CRB1: variants seen among roughly 807,000 people sequenced by gnomAD.
CRB1 encodes the protein protein crumbs homolog 1.
A neutral mutation model predicts 120.0 loss-of-function variants in CRB1; 83 were observed. The ratio of observed to expected loss-of-function variants is 0.69; its 90% CI spans 0.58 to 0.83. The LOEUF (loss-of-function observed/expected upper bound fraction) is 0.83. CRB1 is among the 40% of genes least tolerant of loss of function. The pLI is 0.00. For missense variants in CRB1, 1,699 were observed against 1,687.6 expected (o/e 1.01, Z -0.12); for synonymous variants, 625 against 612.5 (o/e 1.02, Z -0.30).
chr1:197,223,300 G>A, the CRB1 span: 2 of 728,198 alleles, frequency 2.7e-6, no homozygotes, highest in South Asian at 1.6e-5. Flanking sequence ...GAAATTGGCT[G>A]TTTTGTTAAA....
intron 1 of CRB1, among the ~76,000 whole-genome samples, chr1:197,309,094 A>G (rs1462048225): frequency 6.6e-6 from 1 of 151,884 alleles, no homozygotes; most frequent in Non-Finnish European, 1.5e-5. Context: ...ACATATACAC[A>G]CACACAATGA....
intron 1 of CRB1, among the ~76,000 whole-genome samples, chr1:197,291,627 A>G (rs995734279): frequency 2.0e-5 from 3 of 151,774 alleles, no homozygotes; most frequent in Admixed American, 1.3e-4. Flanking sequence ...TTTTATATTT[A>G]TTTCAAGATG....
chr1:197,352,803 TG>T (rs1168788201), intron 4 of CRB1, among the ~76,000 whole-genome samples: 1 of 152,134 alleles, frequency 6.6e-6, no homozygotes, highest in African/African-American at 2.4e-5. Context: ...GAATTTATGT[TG>T]TGGTTATGAT....
chr1:197,277,970 A>G (rs1655309492), intron 1 of CRB1, among the ~76,000 whole-genome samples: 1 of 151,984 alleles, frequency 6.6e-6, no homozygotes, highest in Non-Finnish European at 1.5e-5. Context: ...ATATTGCAAC[A>G]AAAAACAAAC....
Position 197,453,469 on chromosome 1 carries a change from A to C in CRB1, c.4005+11177A>C, listed in dbSNP as rs940271703. ...ATTATAAATATATTGGTATATAAATATATACATTAAATAACTGTGTGTGTA... is the reference window on the plus strand; with the variant it reads ...ATTATAAATATATTGGTATATAAATCTATACATTAAATAACTGTGTGTGTA... On this transcript the variant is annotated intron_variant, in intron 11 of 11. Coordinates refer to ENST00000367400, the MANE Select transcript of CRB1 (RefSeq NM_201253.3). Among the ~76,000 whole-genome samples the C allele has an allele frequency of 8.1e-4, 119 of 146,976 alleles. 1 individual carries two copies. Among genetic ancestry groups the C allele is most frequent in the Non-Finnish European group, 1.5e-3 (101 of 67,100 alleles).
rs1183151181 is a variant in CRB1 at position 197,442,247 on chromosome 1, G to A, written c.3960G>A (p.Gln1320=). The change falls in exon 11 of 12, where the codon CAG becomes CAA. Residue 1320 remains glutamine (Q), a synonymous_variant. Coordinates refer to ENST00000367400, the MANE Select transcript of CRB1 (RefSeq NM_201253.3). ...GLCQDLLNKF[Q]CLCDVAFAGE... is the part of the protein sequence containing the mutation. The stretch of plus-strand genomic sequence containing the variant: ...GCCAGGACTTACTCAACAAATTCCA[G>A]TGCCTCTGTGATGTTGCCTTTGCTG... The A allele has an allele frequency of 6.2e-7, 1 of 1,614,202 alleles. No individual in the cohort carries two copies. The highest frequency in any genetic ancestry group is 1.7e-5 in the Admixed American group (1 of 60,022).
chr1:197,346,956 AT>A (rs949945474), intron 3 of CRB1, among the ~76,000 whole-genome samples: 2 of 152,200 alleles, frequency 1.3e-5, no homozygotes, highest in African/African-American at 2.4e-5. Flanking sequence ...ACCTTAAAAA[AT>A]ATTAACAATT....
At chr1:197,472,032 A>C (rs546176525) in intron 11 of CRB1, among the ~76,000 whole-genome samples, 1 of 152,220 alleles carries the variant, frequency 6.6e-6, no homozygotes, top group Admixed American at 6.5e-5. Context: ...TAAAGACACA[A>C]TGTGTTTAAA....
At chr1:197,245,360 A>G in the CRB1 span, among the ~76,000 whole-genome samples, 1 of 152,050 alleles carries the variant, frequency 6.6e-6, no homozygotes, top group Non-Finnish European at 1.5e-5. Context: ...AGCTGGGCAC[A>G]ATGGTGTGCA....
intron 11 of CRB1, among the ~76,000 whole-genome samples, chr1:197,475,758 C>T (rs1667169198): frequency 6.6e-6 from 1 of 152,110 alleles, no homozygotes; most frequent in Non-Finnish European, 1.5e-5. Context: ...CAAACATACA[C>T]ATTCATGGTC....
intron 1 of CRB1, among the ~76,000 whole-genome samples, chr1:197,271,234 T>A (rs1654890470): frequency 1.3e-5 from 2 of 152,260 alleles, no homozygotes; most frequent in Non-Finnish European, 2.9e-5. Flanking sequence ...AAATTTCAGT[T>A]ATTAATATCA....
upstream of CRB1, among the ~76,000 whole-genome samples, chr1:197,265,497 G>A (rs1238027131): frequency 6.6e-6 from 1 of 150,466 alleles, no homozygotes; most frequent in Non-Finnish European, 1.5e-5. Flanking sequence ...ACCTCAATTG[G>A]TTATTTTACT....
At chr1:197,429,414 G>A in intron 7 of CRB1, 35 bp from the exon 8 acceptor site, 1 of 1,612,378 alleles carries the variant, frequency 6.2e-7, no homozygotes, top group Non-Finnish European at 8.5e-7. Flanking sequence ...TTAGTTGCCA[G>A]TGCTTTTTAT....
upstream of CRB1, among the ~76,000 whole-genome samples, chr1:197,265,716 T>A (rs564590005): frequency 1.3e-4 from 20 of 152,326 alleles, no homozygotes; most frequent in East Asian, 3.5e-3. Context: ...TCATGTTGCC[T>A]TAATCTCTAT....
chr1:197,420,962 A>G (rs376587485), intron 5 of CRB1, 38 bp from the exon 6 acceptor site: 14 of 1,236,810 alleles, frequency 1.1e-5, no homozygotes, highest in East Asian at 4.6e-5. Context: ...TTTTGATGTG[A>G]ATATATATAA....
intron 5 of CRB1, among the ~76,000 whole-genome samples, chr1:197,405,752 T>C (rs1393893865): frequency 6.7e-6 from 1 of 149,716 alleles, no homozygotes; most frequent in African/African-American, 2.5e-5. Flanking sequence ...GAGGAGACCC[T>C]CCGCCTGGCA....
At chr1:197,221,386 G>A in the CRB1 span, among the ~76,000 whole-genome samples, 3 of 152,144 alleles carry the variant, frequency 2.0e-5, no homozygotes, top group African/African-American at 4.8e-5. Flanking sequence ...CAGTTTTAGA[G>A]TCAAGACCCT....
At chr1:197,247,348 G>C in the CRB1 span, among the ~76,000 whole-genome samples, 15 of 152,110 alleles carry the variant, frequency 9.9e-5, no homozygotes, top group South Asian at 1.2e-3. Flanking sequence ...TATAGCCAAG[G>C]TTGCAAGGTT....
At chr1:197,414,035 A>G (rs1226770930) in intron 5 of CRB1, 1 of 440,764 alleles carries the variant, frequency 2.3e-6, no homozygotes, top group African/African-American at 2.0e-5. Flanking sequence ...GCTAATTTGC[A>G]ACATGCTTAG....
Sources: gnomAD v4.1 joint callset for allele counts (sites outside exome capture counted in the v4.1 genomes callset) on GRCh38, gnomAD v4.1.1 for gene constraint, MANE v1.5 for transcripts, NCBI Gene and HGNC (gene_info 2026-07-23, HGNC 2026-07-21) for gene names.